ATG14: variants seen among roughly 807,000 people sequenced by gnomAD.
ATG14 encodes beclin 1-associated autophagy-related key regulator.
Under a neutral mutation model 60.4 loss-of-function variants are expected in ATG14, and 35 were observed. That is an observed-to-expected ratio of 0.58 (90% CI 0.44 to 0.77). The LOEUF is 0.77. Ranked by LOEUF, ATG14 falls within the 30% of genes least tolerant of loss-of-function variation. ATG14 has a pLI of 0.00. For missense variants in ATG14, 647 were observed against 626.3 expected (o/e 1.03, Z -0.35); for synonymous variants, 234 against 228.8 (o/e 1.02, Z -0.21).
intron 1 of ATG14, among the ~76,000 whole-genome samples, chr14:55,406,742 T>G (rs931374892): frequency 6.6e-6 from 1 of 152,130 alleles, no homozygotes; most frequent in Admixed American, 6.5e-5. Context: ...TTAAAGCACA[T>G]AGTCTGGAAA....
At chr14:55,402,945 ATATATATATATATATATATATAT>A (rs1885430625) in intron 1 of ATG14, among the ~76,000 whole-genome samples, 1 of 68,974 alleles carries the variant, frequency 1.4e-5, no homozygotes, top group Admixed American at 1.5e-4. Flanking sequence ...ATATATATAT[ATATATATATATATATATATATAT>A]AAATAGCTGG....
chr14:55,405,125 A>G (rs1386715273), intron 1 of ATG14, among the ~76,000 whole-genome samples: 1 of 152,218 alleles, frequency 6.6e-6, no homozygotes, highest in Non-Finnish European at 1.5e-5. Context: ...AACAGTCGTA[A>G]GGCTGATGAA....
At chr14:55,384,977 C>G (rs1478866231) in intron 5 of ATG14, among the ~76,000 whole-genome samples, 1 of 152,218 alleles carries the variant, frequency 6.6e-6, no homozygotes, top group Non-Finnish European at 1.5e-5. Flanking sequence ...GGGGGAACCA[C>G]TGTCCTGTCT....
At chr14:55,384,805 G>A (rs1885095010) in intron 5 of ATG14, among the ~76,000 whole-genome samples, 1 of 152,224 alleles carries the variant, frequency 6.6e-6, no homozygotes, top group Admixed American at 6.5e-5. Flanking sequence ...AGAGCAGCCT[G>A]GTGGCTTGTG....
At chr14:55,389,356 C>T (rs541775120) in intron 4 of ATG14, among the ~76,000 whole-genome samples, 1 of 152,246 alleles carries the variant, frequency 6.6e-6, no homozygotes, top group Admixed American at 6.5e-5. Context: ...GAACAAAGAG[C>T]CTTTGGAGAA....
intron 1 of ATG14, among the ~76,000 whole-genome samples, chr14:55,404,542 G>A (rs1347019838): frequency 6.6e-6 from 1 of 152,082 alleles, no homozygotes; most frequent in African/African-American, 2.4e-5. Flanking sequence ...TATGTCTTTT[G>A]GTGTTCAAAA....
At chr14:55,406,553 G>A (rs1351274678) in intron 1 of ATG14, among the ~76,000 whole-genome samples, 2 of 152,206 alleles carry the variant, frequency 1.3e-5, no homozygotes, top group African/African-American at 2.4e-5. Context: ...CTTGAGAGCA[G>A]AGACCTGTCT....
chr14:55,382,036 A>G lies in ATG14; in HGVS notation c.803T>C (p.Ile268Thr). 1 of 1,614,136 alleles carries G rather than the reference A, an allele frequency of 6.2e-7. No individual in the cohort carries two copies. The highest frequency in any genetic ancestry group is 8.5e-7 in the Non-Finnish European group (1 of 1,180,020). ...GTAGTCCCCATTGTTAGGGAGGCTA[A>G]TCCAAGGCCCTGTAATGCTAATGCT... is the stretch of plus-strand genomic sequence containing the variant. The part of the protein sequence containing the change: ...DTSISITGPW[I>T]SLPNNGDYSA... Residue 268 changes from isoleucine (I) to threonine (T), a missense_variant, in exon 6 of 10, where the codon ATT (isoleucine) becomes ACT (threonine). Physicochemically the swap from Ile to Thr is moderately conservative, Grantham distance 89. Coordinates refer to ENST00000247178, the MANE Select transcript of ATG14 (RefSeq NM_014924.5).
chr14:55,394,108 G>A (rs995119216), intron 3 of ATG14, among the ~76,000 whole-genome samples: 1 of 151,204 alleles, frequency 6.6e-6, no homozygotes, highest in African/African-American at 2.4e-5. Flanking sequence ...CTGGGTTCAA[G>A]TGATTCTCCT....
At position 55,377,886 on chromosome 14, in the gene ATG14, A is replaced by C. The variant is rs772996120; in HGVS notation, c.1105T>G (p.Leu369Val). 6.2e-7 allele frequency: 1 copy of C among 1,605,962 alleles called. No individual in the cohort carries two copies. The highest frequency in any genetic ancestry group is 8.5e-7 in the Non-Finnish European group (1 of 1,177,128). Residue 369 changes from leucine to valine, a missense_variant, in exon 9 of 10, where the codon TTA (leucine) becomes GTA (valine). Physicochemically the swap from Leu to Val is conservative, Grantham distance 32. Coordinates refer to ENST00000247178, the MANE Select transcript of ATG14 (RefSeq NM_014924.5). The stretch of plus-strand genomic sequence containing the variant: ...TTCCTGAGGGTATGCAGTGGTTGTA[A>C]TTGATCTAAATTTACATGCTAAAAA... Reference protein sequence around the residue: ...CFSQHVNLDQLQPLHTLRNLM... With the variant: ...CFSQHVNLDQVQPLHTLRNLM...
intron 9 of ATG14, among the ~76,000 whole-genome samples, chr14:55,372,781 C>T (rs1884847907): frequency 6.6e-6 from 1 of 152,050 alleles, no homozygotes; most frequent in South Asian, 2.1e-4. Flanking sequence ...TTCTCCAATC[C>T]TGGGGTCTTA....
intron 3 of ATG14, among the ~76,000 whole-genome samples, chr14:55,392,468 C>T (rs1303847978): frequency 6.6e-6 from 1 of 151,834 alleles, no homozygotes; most frequent in Non-Finnish European, 1.5e-5. Flanking sequence ...GGCAACATGG[C>T]GAAACCCCAT....
At chr14:55,387,409 A>C (rs956107914) in intron 4 of ATG14, among the ~76,000 whole-genome samples, 1 of 152,116 alleles carries the variant, frequency 6.6e-6, no homozygotes, top group Non-Finnish European at 1.5e-5. Context: ...TAAATGTTTG[A>C]ATTTTACTCA....
chr14:55,402,662 C>G (rs1323845877), intron 1 of ATG14, among the ~76,000 whole-genome samples: 1 of 150,962 alleles, frequency 6.6e-6, no homozygotes, highest in Admixed American at 6.6e-5. Context: ...AAAACCTGGT[C>G]CTTATCAGGA....
chr14:55,382,344 ACT>A (rs1218004961), intron 5 of ATG14, among the ~76,000 whole-genome samples, 153 bp from the exon 6 acceptor site: 1 of 152,074 alleles, frequency 6.6e-6, no homozygotes, highest in Non-Finnish European at 1.5e-5. Flanking sequence ...GATGGGTGTC[ACT>A]CTGTTATCCA....
intron 1 of ATG14, among the ~76,000 whole-genome samples, chr14:55,404,454 T>C (rs927228120): frequency 6.6e-6 from 1 of 152,218 alleles, no homozygotes; most frequent in Non-Finnish European, 1.5e-5. Flanking sequence ...ATCACGTCAA[T>C]TCAGTACCTT....
At position 55,369,865 on chromosome 14, in the gene ATG14, T is replaced by A. The variant is rs1566575921; in HGVS notation, c.1233A>T (p.Gly411=). The A allele has an allele frequency of 6.2e-7, 1 of 1,613,998 alleles. No homozygotes were observed. Among genetic ancestry groups the A allele is most frequent in the South Asian group, 1.1e-5 (1 of 91,088 alleles). The change falls in exon 10 of 10, where the codon GGA becomes GGT. Residue 411 remains glycine, a synonymous_variant. Coordinates refer to ENST00000247178, the MANE Select transcript of ATG14 (RefSeq NM_014924.5). ...CGCTCTCATCTGATTCTCCAGCAAC[T>A]CCGGGATCCACAAATTCCATGGACT... ...LEESMEFVDP[G]VAGESDESGD...
At chr14:55,390,151 A>G (rs563024223) in intron 4 of ATG14, among the ~76,000 whole-genome samples, 1 of 152,194 alleles carries the variant, frequency 6.6e-6, no homozygotes, top group South Asian at 2.1e-4. Context: ...GCTCACCGCA[A>G]TCTCCGCCTC....
intron 1 of ATG14, among the ~76,000 whole-genome samples, chr14:55,404,615 A>G (rs1885460453): frequency 6.6e-6 from 1 of 152,188 alleles, no homozygotes; most frequent in Non-Finnish European, 1.5e-5. Flanking sequence ...AGAGGGAGAG[A>G]ACCTGGGCAT....
Sources: gnomAD v4.1 joint callset for allele counts (sites outside exome capture counted in the v4.1 genomes callset) on GRCh38, gnomAD v4.1.1 for gene constraint, MANE v1.5 for transcripts, NCBI Gene and HGNC (gene_info 2026-07-23, HGNC 2026-07-21) for gene names.